The following BLNK variants were observed in gnomAD, a reference collection of about 807,000 sequenced individuals.
BLNK encodes the protein B cell linker, also known as B-cell linker protein.
In BLNK, 29 loss-of-function variants were observed where a neutral mutation model predicts 73.5. That is an observed-to-expected ratio of 0.39 (90% CI 0.29 to 0.54). The LOEUF (loss-of-function observed/expected upper bound fraction) is 0.54. BLNK is among the 20% of genes least tolerant of loss of function. BLNK has a pLI of 0.61. For missense variants in BLNK, 460 were observed against 562.8 expected (o/e 0.82, Z 1.85); for synonymous variants, 176 against 200.8 (o/e 0.88, Z 1.04).
At chr10:96,194,768 ATTTTTT>A (rs71034364) in intron 16 of BLNK, among the ~76,000 whole-genome samples, 4 of 110,280 alleles carry the variant, frequency 3.6e-5, no homozygotes, top group Non-Finnish European at 7.2e-5. Flanking sequence ...AGAAATGCAA[ATTTTTT>A]TTTTTTTTTT....
Position 96,236,007 on chromosome 10 carries a change from C to T in BLNK, c.164-5173G>A, listed in dbSNP as rs187914148. ...GTTTAGGAACTCAGGCATGGAAAGA[C>T]GAAAGCTGATCCAGACCAGGGGGTC... On this transcript the variant is annotated intron_variant, in intron 3 of 16. Coordinates refer to ENST00000224337, the MANE Select transcript of BLNK (RefSeq NM_013314.4). 8.9e-4 allele frequency among the ~76,000 whole-genome samples: 136 copies of T among 152,020 alleles called. 1 individual carries two copies. In the South Asian group the frequency reaches 0.016, roughly 18 times the overall value.
chr10:96,268,627 G>C (rs1844121893), intron 1 of BLNK, among the ~76,000 whole-genome samples: 1 of 151,836 alleles, frequency 6.6e-6, no homozygotes, highest in Non-Finnish European at 1.5e-5. Context: ...ATCCCCACTG[G>C]GTTCATCCAG....
rs782468809 is a variant in BLNK at position 96,227,537 on chromosome 10, G to A, written c.234C>T (p.His78=). 1.1e-5 allele frequency: 18 copies of A among 1,614,042 alleles called. No homozygotes were observed. Among genetic ancestry groups the A allele is most frequent in the Non-Finnish European group, 1.4e-5 (17 of 1,180,054 alleles). Residue 78 remains histidine (H), a synonymous_variant, in exon 5 of 17, where the codon CAC becomes CAT. Transcript: ENST00000224337. ...FDSDYENPDE[H]SDSEMYVMPA... is the part of the protein sequence containing the mutation. ...GCATCACGTACATCTCTGAGTCCGA[G>A]TGCTCATCTGGATTTTCATAGTCGC... is the stretch of plus-strand genomic sequence containing the variant.
chr10:96,232,161 G>A (rs1200797277), intron 3 of BLNK, among the ~76,000 whole-genome samples: 1 of 152,214 alleles, frequency 6.6e-6, no homozygotes, highest in African/African-American at 2.4e-5. Flanking sequence ...ACAGGCCCAT[G>A]TGGCAGAGTG....
chr10:96,271,395 C>T lies in BLNK; in HGVS notation c.4G>A (p.Asp2Asn), dbSNP rs781804161. 6.2e-7 allele frequency: 1 copy of T among 1,614,072 alleles called. No individual in the cohort carries two copies. Among genetic ancestry groups the T allele is most frequent in the South Asian group, 1.1e-5 (1 of 91,088 alleles). ...GGGACGGTTATTTTATTAAGCTTGT[C>T]CATTCTGTTTGGTAATTGTAAGAGA... The part of the protein sequence containing the change: M[D>N]KLNKITVPAS... Residue 2 changes from aspartate (D) to asparagine (N), a missense_variant, in exon 1 of 17, where the codon GAC becomes AAC. Around this residue, in one of 3 missense-constraint regions of BLNK, gnomAD observed 139 missense variants for 187.3 expected, o/e 0.74. Transcript: ENST00000224337.
In BLNK at chr10:96,242,894, G is replaced by A. The variant is rs1842922931; in HGVS notation, c.114-110C>T. Reference sequence around the variant, plus strand: ...TAGATAGACAACTAATAGCATAATGGCTTCTCTTGGACCAATCAATGGACA... The same window carrying A: ...TAGATAGACAACTAATAGCATAATGACTTCTCTTGGACCAATCAATGGACA... On this transcript the variant is annotated intron_variant, in intron 2 of 16. Coordinates refer to ENST00000224337, the MANE Select transcript of BLNK (RefSeq NM_013314.4). The A allele has an allele frequency of 8.8e-6, 8 of 914,000 alleles. No individual in the cohort carries two copies. In the Middle Eastern group the frequency reaches 1.1e-3, roughly 121 times the overall value. 56.6% of individuals were successfully genotyped at this position (914,000 alleles called of 1,614,324 possible).
intron 16 of BLNK, among the ~76,000 whole-genome samples, chr10:96,196,109 G>A (rs1278983963): frequency 1.3e-5 from 2 of 152,164 alleles, no homozygotes; most frequent in African/African-American, 2.4e-5. Context: ...TTTTCTGAAG[G>A]AATCTTGAAA....
Position 96,200,155 on chromosome 10 carries a change from C to A in BLNK, c.1015G>T (p.Ala339Ser). 1 of 1,614,016 alleles carries A rather than the reference C, an allele frequency of 6.2e-7. No individual in the cohort carries two copies. The highest frequency in any genetic ancestry group is 8.5e-7 in the Non-Finnish European group (1 of 1,179,942). Residue 339 changes from alanine to serine, a missense_variant, in exon 15 of 17, where the codon GCT (alanine) becomes TCT (serine). Physicochemically the swap from Ala to Ser is moderately conservative, Grantham distance 99. Coordinates refer to ENST00000224337, the MANE Select transcript of BLNK (RefSeq NM_013314.4). This position sits in a 1 kb window ranked among gnomAD's most constrained non-coding sequence, Gnocchi z 4.3. ...SSNSTISEQEAGVLCKPWYAG... is the reference protein window; with the variant it reads ...SSNSTISEQESGVLCKPWYAG... ...TACCATGGCTTGCAGAGAACGCCAG[C>A]TTCCTGTGAAATGGAGGGCACTGGT...
chr10:96,231,596 C>T (rs587648616), intron 3 of BLNK, among the ~76,000 whole-genome samples: 3 of 152,050 alleles, frequency 2.0e-5, no homozygotes, highest in Middle Eastern at 3.4e-3. Context: ...GTGTGGTGGT[C>T]CATATCTGTA....
chr10:96,225,210 A>G (rs1034465456), intron 5 of BLNK, among the ~76,000 whole-genome samples: 13 of 152,160 alleles, frequency 8.5e-5, no homozygotes, highest in African/African-American at 3.1e-4. Context: ...GTGTTTTAGG[A>G]AAATCTTGGC....
chr10:96,201,165 A>G, intron 13 of BLNK, 107 bp from the exon 14 acceptor site: 1 of 1,010,384 alleles, frequency 9.9e-7, no homozygotes, highest in East Asian at 2.5e-5. Context: ...ACATCCACCA[A>G]AAAAAATCCT....
At chr10:96,256,479 T>C (rs954464969) in intron 1 of BLNK, among the ~76,000 whole-genome samples, 3 of 152,216 alleles carry the variant, frequency 2.0e-5, no homozygotes, top group Non-Finnish European at 2.9e-5. Context: ...GTGTTTAATG[T>C]AATTGACTCT....
At chr10:96,238,430 C>G (rs117075883) in intron 3 of BLNK, among the ~76,000 whole-genome samples, 11 of 152,186 alleles carry the variant, frequency 7.2e-5, no homozygotes, top group Admixed American at 2.6e-4. Flanking sequence ...ATTTCAGGAG[C>G]CTTTGGTGGA....
At chr10:96,215,202 T>C in intron 8 of BLNK, 119 bp downstream of exon 8, 1 of 1,115,198 alleles carries the variant, frequency 9.0e-7, no homozygotes, top group South Asian at 1.3e-5. Context: ...GGATGAGGAC[T>C]GGCCTTCTGT....
chr10:96,238,777 A>G, intron 3 of BLNK: 1 of 192,750 alleles, frequency 5.2e-6, no homozygotes, highest in Non-Finnish European at 1.1e-5. Flanking sequence ...CTGGCAAAGC[A>G]ATAAGATGCA....
intron 3 of BLNK, among the ~76,000 whole-genome samples, chr10:96,233,629 T>C (rs1277284323): frequency 6.6e-6 from 1 of 152,204 alleles, no homozygotes; most frequent in African/African-American, 2.4e-5. Flanking sequence ...ATCTTCTTTC[T>C]TCCATGGAAA....
chr10:96,236,327 G>A (rs966397324), intron 3 of BLNK, among the ~76,000 whole-genome samples: 2 of 152,180 alleles, frequency 1.3e-5, no homozygotes, highest in Non-Finnish European at 2.9e-5. Flanking sequence ...AAGGAAAGAG[G>A]GAGGGTGGGC....
At chr10:96,242,637 C>A in intron 3 of BLNK, 98 bp downstream of exon 3, 2 of 1,179,656 alleles carry the variant, frequency 1.7e-6, no homozygotes, top group East Asian at 2.4e-5. Flanking sequence ...CTTTTGTTTT[C>A]AAATGAGGAT....
At chr10:96,210,308 G>A (rs1183576699) in intron 8 of BLNK, 5 of 257,080 alleles carry the variant, frequency 1.9e-5, no homozygotes, top group African/African-American at 6.6e-5. Flanking sequence ...AAATGTGCAC[G>A]GCAGAGGTGC....
Sources: allele counts gnomAD v4.1 joint callset (sites outside exome capture counted in the v4.1 genomes callset), GRCh38; gene constraint gnomAD v4.1.1; regional missense constraint gnomAD v4.1.1; non-coding constraint Gnocchi (gnomAD v3.1); transcripts MANE v1.5; gene names NCBI Gene and HGNC (gene_info 2026-07-23, HGNC 2026-07-21).